Variants in PTGER4 observed in about 807,000 individuals in gnomAD.
The protein encoded by PTGER4 is prostaglandin E receptor 4.
PTGER4 carries 11 observed loss-of-function variants against 33.2 expected under a neutral mutation model. That is an observed-to-expected ratio of 0.33 (90% confidence interval 0.21 to 0.55). PTGER4 has a LOEUF of 0.55. PTGER4 is among the 20% of genes least tolerant of loss of function. The pLI is 0.92. For synonymous variants in PTGER4, 275 were observed against 281.5 expected (o/e 0.98, Z 0.23); for missense variants, 481 against 650.2 (o/e 0.74, Z 2.83).
At chr5:40,704,186 T>C in the PTGER4 span, among the ~76,000 whole-genome samples, 1 of 152,036 alleles carries the variant, frequency 6.6e-6, no homozygotes, top group Non-Finnish European at 1.5e-5. Context: ...GTTCAACATA[T>C]GAAAATCAAT....
chr5:40,719,704 A>G, the PTGER4 span, among the ~76,000 whole-genome samples: 8 of 152,310 alleles, frequency 5.3e-5, no homozygotes, highest in East Asian at 1.5e-3. Context: ...ACCCTCACCA[A>G]CACTTCATAT....
the PTGER4 span, among the ~76,000 whole-genome samples, chr5:40,738,911 C>G: frequency 3.9e-5 from 6 of 152,256 alleles, no homozygotes; most frequent in East Asian, 1.2e-3. Flanking sequence ...CTTCTTCCTA[C>G]TGAGTTGTAA....
chr5:40,712,879 G>A, the PTGER4 span, among the ~76,000 whole-genome samples: 1 of 152,136 alleles, frequency 6.6e-6, no homozygotes, highest in African/African-American at 2.4e-5. Flanking sequence ...CATGATTCAT[G>A]TTACAGTAGC....
At chr5:40,708,538 T>G in the PTGER4 span, among the ~76,000 whole-genome samples, 10 of 152,078 alleles carry the variant, frequency 6.6e-5, no homozygotes, top group African/African-American at 2.4e-4. Flanking sequence ...AGGCAATAAT[T>G]AATAGCTTAC....
the PTGER4 span, chr5:40,716,295 A>C: frequency 6.2e-7 from 1 of 1,614,218 alleles, no homozygotes. Flanking sequence ...CTGCACAAAC[A>C]GCAACAATCT....
chr5:40,710,737 C>T, the PTGER4 span, among the ~76,000 whole-genome samples: 13 of 152,250 alleles, frequency 8.5e-5, no homozygotes, highest in Admixed American at 7.9e-4. Flanking sequence ...CCATGGAATA[C>T]TATGCAGCCA....
chr5:40,713,844 A>T, the PTGER4 span, among the ~76,000 whole-genome samples: 2 of 149,766 alleles, frequency 1.3e-5, no homozygotes, highest in Non-Finnish European at 3.0e-5. Flanking sequence ...TAACAAGCTT[A>T]GTCTATGTTT....
Position 40,691,668 on chromosome 5 carries a change from T to G in PTGER4, c.868-111T>G, listed in dbSNP as rs911786699. 4 of 1,401,866 alleles carry G rather than the reference T, an allele frequency of 2.9e-6. No homozygotes were observed. In the African/African-American group the frequency reaches 5.8e-5, roughly 20 times the overall value. 86.8% of individuals were successfully genotyped at this position (1,401,866 alleles called of 1,614,324 possible). On this transcript the variant is annotated intron_variant, in intron 2 of 2. Coordinates refer to ENST00000302472, the MANE Select transcript of PTGER4 (RefSeq NM_000958.3). This position sits in a 1 kb window ranked among gnomAD's most constrained non-coding sequence, Gnocchi z 4.2. ...TGTAGCTTCCTCTTTTCCTGGAACT[T>G]GTTACCAGAAATGAAGGCAGCTTCC...
At chr5:40,690,118 T>C (rs1433567855) in intron 2 of PTGER4, among the ~76,000 whole-genome samples, 1 of 152,068 alleles carries the variant, frequency 6.6e-6, no homozygotes, top group Admixed American at 6.5e-5. Context: ...AGCGGGCAGA[T>C]CACTTGAGCT....
chr5:40,697,644 T>A (rs1741646328), downstream of PTGER4, among the ~76,000 whole-genome samples: 1 of 150,508 alleles, frequency 6.6e-6, no homozygotes, highest in Non-Finnish European at 1.5e-5. Flanking sequence ...GATTATTTGA[T>A]GTTTGGCAAA....
the PTGER4 span, among the ~76,000 whole-genome samples, chr5:40,732,900 G>A: frequency 5.3e-5 from 8 of 151,994 alleles, no homozygotes; most frequent in African/African-American, 7.3e-5. Context: ...GAGCCACCGC[G>A]CCCGGCCTAA....
chr5:40,714,480 A>G, the PTGER4 span: 1 of 152,188 alleles, frequency 6.6e-6, no homozygotes, highest in Non-Finnish European at 1.5e-5. Context: ...CAAAATGCAG[A>G]AAAAAACTAT....
chr5:40,737,091 T>C, the PTGER4 span, among the ~76,000 whole-genome samples: 4 of 151,394 alleles, frequency 2.6e-5, no homozygotes, highest in East Asian at 3.9e-4. Context: ...AGCCCAGGAG[T>C]TCAAGATCAG....
the PTGER4 span, among the ~76,000 whole-genome samples, chr5:40,728,670 T>C: frequency 6.6e-6 from 1 of 152,242 alleles, no homozygotes; most frequent in East Asian, 1.9e-4. Flanking sequence ...ACTATGAAAA[T>C]GTAAACGATT....
rs45539033 is a variant in PTGER4 at position 40,684,805 on chromosome 5, A to G, written c.867+2945A>G. On this transcript the variant is annotated intron_variant, in intron 2 of 2. Coordinates refer to ENST00000302472, the MANE Select transcript of PTGER4 (RefSeq NM_000958.3). The stretch of plus-strand genomic sequence containing the variant: ...TTCTTGTCATTTTGTCCATTCTTCT[A>G]TTTATAACCAGTCTCATAGTTTTTT... 4.2e-3 allele frequency among the ~76,000 whole-genome samples: 637 copies of G among 152,270 alleles called. 3 individuals carry two copies. The highest frequency in any genetic ancestry group is 0.015 in the African/African-American group (611 of 41,560).
At position 40,691,306 on chromosome 5, in the gene PTGER4, C is replaced by A. The variant is rs1240071625; in HGVS notation, c.868-473C>A. 6.6e-6 allele frequency among the ~76,000 whole-genome samples: 1 copy of A among 152,206 alleles called. No homozygotes were observed. The highest frequency in any genetic ancestry group is 1.9e-4 in the East Asian group (1 of 5,180). On this transcript the variant is annotated intron_variant, in intron 2 of 2. Coordinates refer to ENST00000302472, the MANE Select transcript of PTGER4 (RefSeq NM_000958.3). The surrounding 1 kb of genome is among the most constrained non-coding windows in gnomAD (Gnocchi z 4.2). ...AAATGATTCTCCTGCCTCAGCCTCC[C>A]GAGTAGCTGGGACTACAGGCGCATG...
the PTGER4 span, among the ~76,000 whole-genome samples, chr5:40,739,581 C>T: frequency 3.9e-5 from 6 of 152,286 alleles, no homozygotes; most frequent in South Asian, 1.2e-3. Context: ...CCCACACTCT[C>T]TCTTCCTCCT....
rs1191206726 is a variant in PTGER4 at position 40,683,182 on chromosome 5, A to G, written c.867+1322A>G. ...AAGAGAATATAAAATGTAATGGGCT[A>G]TTATTCCTTCCTTTTCCTTATTGAT... On this transcript the variant is annotated intron_variant, in intron 2 of 2. Coordinates refer to ENST00000302472, the MANE Select transcript of PTGER4 (RefSeq NM_000958.3). This position sits in a 1 kb window ranked among gnomAD's most constrained non-coding sequence, Gnocchi z 4.2. Among the ~76,000 whole-genome samples, 6 of 152,318 alleles carry G rather than the reference A, an allele frequency of 3.9e-5. No homozygotes were observed. In the South Asian group the frequency reaches 1.0e-3, roughly 26 times the overall value.
rs1157069739 is a variant in PTGER4, at chr5:40,691,712, C to T, written c.868-67C>T. On this transcript the variant is annotated intron_variant, in intron 2 of 2. Coordinates refer to ENST00000302472, the MANE Select transcript of PTGER4 (RefSeq NM_000958.3). The surrounding 1 kb of genome is among the most constrained non-coding windows in gnomAD (Gnocchi z 4.2). ...AGCTTCCTAATATTGATAAGGTAGA[C>T]ATAGCATTTATATGTTTTCCCAATT... is the stretch of plus-strand genomic sequence containing the variant. 2 of 1,533,206 alleles carry T rather than the reference C, an allele frequency of 1.3e-6. No individual in the cohort carries two copies. The highest frequency in any genetic ancestry group is 2.0e-5 in the Admixed American group (1 of 50,450). The allele number at this position is 1,533,206 out of a possible 1,614,324, so 95.0% of individuals were successfully genotyped here.
Sources: gnomAD v4.1 joint callset for allele counts (sites outside exome capture counted in the v4.1 genomes callset) on GRCh38, gnomAD v4.1.1 for gene constraint, Gnocchi (gnomAD v3.1) non-coding constraint, MANE v1.5 for transcripts, NCBI Gene and HGNC (gene_info 2026-07-23, HGNC 2026-07-21) for gene names.